RRAGB: variants seen among roughly 807,000 people sequenced by gnomAD.
RRAGB encodes Ras related GTP binding B, also known as ras-related GTP-binding protein B.
A neutral mutation model predicts 29.3 loss-of-function variants in RRAGB; 6 were observed. The ratio of observed to expected loss-of-function variants is 0.21; its 90% CI spans 0.11 to 0.40. RRAGB has a LOEUF of 0.40. Among genes scored for constraint, RRAGB ranks in the 10% least tolerant of loss-of-function variants. The pLI, the probability that RRAGB is intolerant of heterozygous loss-of-function variation, is 1.00. For synonymous variants in RRAGB, 101 were observed against 92.5 expected (o/e 1.09, Z -0.53); for missense variants, 184 against 272.9 (o/e 0.67, Z 2.29).
At chrX:55,733,424 G>T (rs1015668443) in intron 5 of RRAGB, among the ~76,000 whole-genome samples, 2 of 111,967 alleles carry the variant, frequency 1.8e-5, no homozygotes, top group African/African-American at 6.5e-5. Flanking sequence ...TCATTTTGAT[G>T]TTGGCTGTGG....
intron 5 of RRAGB, 46 bp downstream of exon 5, chrX:55,731,632 C>T: frequency 1.1e-6 from 1 of 914,286 alleles, no homozygotes; most frequent in African/African-American, 2.0e-5. Context: ...ACATGCTTTG[C>T]AAACTTATTT....
intron 7 of RRAGB, 74 bp from the exon 8 acceptor site, chrX:55,755,767 G>A: frequency 8.8e-7 from 1 of 1,141,428 alleles, no homozygotes; most frequent in South Asian, 2.0e-5. Context: ...ACTGACAAAT[G>A]TCTGCTTTGA....
In RRAGB at chrX:55,755,865, G is replaced by A. The variant is rs759287560; in HGVS notation, c.760G>A (p.Glu254Lys). The A allele has an allele frequency of 8.3e-7, 1 of 1,206,965 alleles. No individual in the cohort carries two copies. The highest frequency in any genetic ancestry group is 3.0e-5 in the East Asian group (1 of 33,816). ...GGTAATTTCTCACTATCAGTGTAAA[G>A]AGCAGCGTGATGCCCATAGATTTGA... The part of the protein sequence containing the change: ...FLVISHYQCK[E>K]QRDAHRFEKI... Residue 254 changes from glutamate to lysine, a missense_variant, in exon 8 of 10, where the codon GAG becomes AAG. Glu to Lys is a moderately conservative substitution (Grantham distance 56, BLOSUM62 1). Coordinates refer to ENST00000374941, the MANE Select transcript of RRAGB (RefSeq NM_006064.5).
At chrX:55,755,696 A>G in intron 7 of RRAGB, 145 bp from the exon 8 acceptor site, 2 of 1,073,860 alleles carry the variant, frequency 1.9e-6, no homozygotes, top group Non-Finnish European at 2.4e-6. Context: ...AATATATAGG[A>G]CAGAGGAAAA....
chrX:55,726,257 G>T (rs1235205896), intron 3 of RRAGB, among the ~76,000 whole-genome samples: 1 of 111,676 alleles, frequency 9.0e-6, no homozygotes, highest in Admixed American at 9.5e-5. Flanking sequence ...CATTACAGAC[G>T]TGTAAAAAGC....
chrX:55,750,193 T>C (rs1003833139), intron 5 of RRAGB, among the ~76,000 whole-genome samples: 2 of 105,450 alleles, frequency 1.9e-5, no homozygotes, highest in Non-Finnish European at 3.9e-5. Flanking sequence ...TATGTGTGTG[T>C]GTGTGTGTGT....
At chrX:55,742,894 G>T (rs2034128297) in intron 5 of RRAGB, among the ~76,000 whole-genome samples, 1 of 111,663 alleles carries the variant, frequency 9.0e-6, no homozygotes, top group South Asian at 3.8e-4. Flanking sequence ...AACATAGTTG[G>T]CACTGTAAAT....
chrX:55,756,558 A>G (rs768746937), intron 8 of RRAGB, among the ~76,000 whole-genome samples: 8 of 112,481 alleles, frequency 7.1e-5, no homozygotes, highest in Non-Finnish European at 1.3e-4. Context: ...ACTTTCTGGA[A>G]TGTTTATGCT....
chrX:55,726,125 C>A (rs2033463972), intron 3 of RRAGB, among the ~76,000 whole-genome samples: 1 of 89,379 alleles, frequency 1.1e-5, no homozygotes, highest in Non-Finnish European at 2.3e-5. Context: ...CGATATTTTA[C>A]AGGTCCCAGG....
chrX:55,730,222 G>A (rs937549551), intron 4 of RRAGB, among the ~76,000 whole-genome samples: 4 of 112,309 alleles, frequency 3.6e-5, no homozygotes, highest in Non-Finnish European at 5.6e-5. Context: ...TTTGTTGAAA[G>A]AATAATGCAA....
intron 1 of RRAGB, 135 bp from the exon 2 acceptor site, chrX:55,719,179 G>A (rs2033168740): frequency 2.0e-6 from 1 of 494,704 alleles, no homozygotes; most frequent in Non-Finnish European, 3.3e-6. Context: ...TTCATCTGAG[G>A]TCCCACACAC....
intron 6 of RRAGB, chrX:55,752,146 T>G (rs1316879603): frequency 3.6e-6 from 2 of 560,086 alleles, no homozygotes; most frequent in African/African-American, 5.2e-5. Context: ...TGACCCAGCC[T>G]CACTCTAATA....
intron 5 of RRAGB, among the ~76,000 whole-genome samples, chrX:55,749,070 C>G (rs77886835): frequency 1.2e-5 from 1 of 84,739 alleles, no homozygotes; most frequent in Non-Finnish European, 2.5e-5. Flanking sequence ...GGGGTGTCAG[C>G]CCCCCGCCCG....
At chrX:55,748,277 G>C (rs978336611) in intron 5 of RRAGB, among the ~76,000 whole-genome samples, 1 of 112,512 alleles carries the variant, frequency 8.9e-6, no homozygotes, top group Non-Finnish European at 1.9e-5. Context: ...TGCAGCCTCT[G>C]CCTGCCCGCC....
In RRAGB at chrX:55,718,353, C is replaced by T; in HGVS notation, c.26C>T (p.Thr9Met). 1.7e-6 allele frequency: 2 copies of T among 1,204,877 alleles called. No homozygotes were observed. Among genetic ancestry groups the T allele is most frequent in the Non-Finnish European group, 2.2e-6 (2 of 891,613 alleles). MEESDSEKTTEKENLGPRM... is the reference protein window; with the variant it reads MEESDSEKMTEKENLGPRM... ...ATGGAAGAATCTGACTCTGAGAAAA[C>T]GACGGAGAAAGAAAATCTGGGGCCG... Residue 9 changes from threonine (T) to methionine (M), a missense_variant, in exon 1 of 10, where the codon ACG becomes ATG. Coordinates refer to ENST00000374941, the MANE Select transcript of RRAGB (RefSeq NM_006064.5).
chrX:55,739,449 A>G (rs1184388906), intron 5 of RRAGB, among the ~76,000 whole-genome samples: 1 of 112,231 alleles, frequency 8.9e-6, no homozygotes, highest in Non-Finnish European at 1.9e-5. Flanking sequence ...TTCAGGGTAC[A>G]TGCAAAGTAC....
intron 2 of RRAGB, among the ~76,000 whole-genome samples, chrX:55,719,630 C>T (rs1258776280): frequency 8.9e-6 from 1 of 112,138 alleles, no homozygotes; most frequent in Non-Finnish European, 1.9e-5. Flanking sequence ...TGACCAAACC[C>T]TGTGCCACAC....
At chrX:55,754,650 A>G (rs1434678681) in intron 7 of RRAGB, among the ~76,000 whole-genome samples, 2 of 112,592 alleles carry the variant, frequency 1.8e-5, no homozygotes, top group African/African-American at 6.5e-5. Context: ...CTTGGCATTT[A>G]GTTGACAAAC....
intron 3 of RRAGB, 125 bp downstream of exon 3, chrX:55,722,410 C>T (rs1398692952): frequency 5.0e-6 from 2 of 400,620 alleles, no homozygotes; most frequent in Non-Finnish European, 8.7e-6. Flanking sequence ...GCATGTTTAC[C>T]CTTTTTGCAT....
Sources: allele counts gnomAD v4.1 joint callset (sites outside exome capture counted in the v4.1 genomes callset), GRCh38; gene constraint gnomAD v4.1.1; transcripts MANE v1.5; gene names NCBI Gene and HGNC (gene_info 2026-07-23, HGNC 2026-07-21).